The following ATXN7 variants were observed in gnomAD, a reference collection of about 807,000 sequenced individuals.
The protein encoded by ATXN7 is ataxin 7, also known as ataxin-7.
A neutral mutation model predicts 70.5 loss-of-function variants in ATXN7; 12 were observed. That is an observed-to-expected ratio of 0.17 (90% confidence interval 0.11 to 0.28). The LOEUF is 0.28. Ranked by LOEUF, ATXN7 falls within the 10% of genes least tolerant of loss-of-function variation. ATXN7 has a pLI of 1.00. For synonymous variants in ATXN7, 498 were observed against 448.7 expected, an observed-to-expected ratio of 1.11 and a Z score of -1.39; for missense variants, 1,256 against 1,131.7, an observed-to-expected ratio of 1.11 and a Z score of -1.58.
chr3:63,874,837 C>A (rs372962211), intron 1 of ATXN7, among the ~76,000 whole-genome samples: 1 of 152,284 alleles, frequency 6.6e-6, no homozygotes, highest in East Asian at 1.9e-4. Flanking sequence ...TAACAAGATA[C>A]CATAAACTGG....
intron 1 of ATXN7, among the ~76,000 whole-genome samples, chr3:63,876,801 C>T (rs929456048): frequency 6.6e-6 from 1 of 152,092 alleles, no homozygotes; most frequent in Non-Finnish European, 1.5e-5. Flanking sequence ...TATTTGCTAG[C>T]ATTTGTAGTG....
At position 63,980,088 on chromosome 3, in the gene ATXN7, C is replaced by A. The variant is rs1450575707; in HGVS notation, c.673C>A (p.Pro225Thr). The A allele has an allele frequency of 6.2e-7, 1 of 1,614,156 alleles. No homozygotes were observed. Among genetic ancestry groups the A allele is most frequent in the African/African-American group, 1.3e-5 (1 of 75,034 alleles). The change falls in exon 6 of 13, where the codon CCC becomes ACC. Residue 225 changes from proline (P) to threonine (T), a missense_variant. Transcript: ENST00000674280. The part of the protein sequence containing the change: ...SSSSSKLLKS[P>T]KEKLQLRGNT... ...ATCAAGTTCCAAGTTGTTGAAATCA[C>A]CCAAAGAGAAACTGCAGCTCAGGGG...
intron 4 of ATXN7, among the ~76,000 whole-genome samples, chr3:63,944,155 T>A (rs2074817215): frequency 6.6e-6 from 1 of 152,192 alleles, no homozygotes; most frequent in African/African-American, 2.4e-5. Context: ...TGTATATAGT[T>A]GTTCCCCCGT....
upstream of ATXN7, chr3:63,863,797 C>CGCG (rs546741642): frequency 5.6e-3 from 6,974 of 1,245,232 alleles, 24 homozygotes; most frequent in African/African-American, 7.7e-3. Flanking sequence ...CCATGGCGTG[C>CGCG]GCGGCGGCGG....
At chr3:63,998,716 C>A in intron 12 of ATXN7, 1 of 975,440 alleles carries the variant, frequency 1.0e-6, no homozygotes, top group Non-Finnish European at 1.2e-6. Context: ...ATTTTTATGT[C>A]TTTGTTCATT....
chr3:63,934,206 G>A (rs935655072), intron 4 of ATXN7, among the ~76,000 whole-genome samples: 8 of 152,168 alleles, frequency 5.3e-5, no homozygotes, highest in Non-Finnish European at 1.0e-4. Context: ...CTTCTTGCCT[G>A]CTGGCAGCCT....
At position 63,863,881 on chromosome 3, in the gene ATXN7, T is replaced by G; in HGVS notation, c.-388T>G. 3 of 1,166,680 alleles carry G rather than the reference T, an allele frequency of 2.6e-6. No homozygotes were observed. The highest frequency in any genetic ancestry group is 3.1e-6 in the Non-Finnish European group (3 of 955,198). 72.3% of individuals were successfully genotyped at this position (1,166,680 alleles called of 1,614,324 possible). A position where few individuals can be genotyped will look rare whatever the true frequency, so the allele number is the denominator to read the frequency against. On this transcript the variant is annotated 5_prime_UTR_variant, in exon 1 of 13. Coordinates refer to ENST00000674280, the MANE Select transcript of ATXN7 (RefSeq NM_001377405.1). ...GTCAAACTCCCACAATGCAGCCGGGTAAACAGCCATGGAGGAGGAGGCGGC... is the reference window on the plus strand; with the variant it reads ...GTCAAACTCCCACAATGCAGCCGGGGAAACAGCCATGGAGGAGGAGGCGGC...
intron 1 of ATXN7, among the ~76,000 whole-genome samples, chr3:63,897,905 CTTTTTAA>C (rs1218689862): frequency 6.6e-6 from 1 of 152,140 alleles, no homozygotes; most frequent in Non-Finnish European, 1.5e-5. Flanking sequence ...TTTCCTTGTG[CTTTTTAA>C]TAAGATGGTT....
chr3:63,882,972 A>G, intron 1 of ATXN7, among the ~76,000 whole-genome samples: 1 of 152,152 alleles, frequency 6.6e-6, no homozygotes. Flanking sequence ...AGGTTTGATT[A>G]TACAGTATCT....
intron 4 of ATXN7, among the ~76,000 whole-genome samples, chr3:63,921,348 G>A (rs1052588905): frequency 1.3e-5 from 2 of 152,026 alleles, no homozygotes; most frequent in Admixed American, 6.5e-5. Context: ...TTTAACCAGT[G>A]GTCCCCAGGC....
intron 4 of ATXN7, among the ~76,000 whole-genome samples, chr3:63,922,402 G>T (rs1262853010): frequency 1.3e-5 from 2 of 152,166 alleles, no homozygotes; most frequent in Non-Finnish European, 2.9e-5. Flanking sequence ...ACATTTCTTA[G>T]TTCCTCCTTT....
chr3:63,965,953 T>C (rs2075214931), intron 5 of ATXN7, among the ~76,000 whole-genome samples: 1 of 152,208 alleles, frequency 6.6e-6, no homozygotes, highest in Admixed American at 6.5e-5. Context: ...CGTTTTTCTC[T>C]TGTTTATTTG....
intron 1 of ATXN7, among the ~76,000 whole-genome samples, chr3:63,896,886 A>G (rs1307870724): frequency 6.6e-6 from 1 of 152,214 alleles, no homozygotes; most frequent in East Asian, 1.9e-4. Context: ...TTCCTTGGAT[A>G]CTTTGGAGAA....
intron 2 of ATXN7, among the ~76,000 whole-genome samples, chr3:63,908,444 ACCAAAG>A (rs1288400700): frequency 6.6e-6 from 1 of 152,232 alleles, no homozygotes; most frequent in Non-Finnish European, 1.5e-5. Context: ...ATAAAAAGAA[ACCAAAG>A]CCAACACATT....
At chr3:63,934,016 G>A (rs1243012428) in intron 4 of ATXN7, among the ~76,000 whole-genome samples, 1 of 151,714 alleles carries the variant, frequency 6.6e-6, no homozygotes, top group Non-Finnish European at 1.5e-5. Context: ...GTAGTTGGTT[G>A]AATCACAAAT....
At chr3:63,973,573 G>A (rs757773517) in intron 5 of ATXN7, among the ~76,000 whole-genome samples, 4 of 152,124 alleles carry the variant, frequency 2.6e-5, no homozygotes, top group Non-Finnish European at 4.4e-5. Flanking sequence ...CCAGTGATAC[G>A]CCCTGCTTGG....
At chr3:63,970,900 T>C (rs2075301413) in intron 5 of ATXN7, among the ~76,000 whole-genome samples, 1 of 152,232 alleles carries the variant, frequency 6.6e-6, no homozygotes, top group Non-Finnish European at 1.5e-5. Context: ...CCTTTATTTA[T>C]GTCATAAAGC....
Position 63,995,507 on chromosome 3 carries a change from A to G in ATXN7, c.1685A>G (p.Lys562Arg). The change falls in exon 12 of 13, where the codon AAA becomes AGA. Residue 562 changes from lysine to arginine, a missense_variant and splice_region_variant. Physicochemically the swap from Lys to Arg is conservative, Grantham distance 26. Transcript: ENST00000674280. Reference sequence around the variant, plus strand: ...CACTGTCCTCTAATTTTTTTCAGGAAAATCCCACCAGTGCCCAGTACCACC... The same window carrying G: ...CACTGTCCTCTAATTTTTTTCAGGAGAATCCCACCAGTGCCCAGTACCACC... ...EKHLNAQLWK[K>R]IPPVPSTTSP... 6.2e-7 allele frequency: 1 copy of G among 1,613,548 alleles called. No individual in the cohort carries two copies. The highest frequency in any genetic ancestry group is 2.2e-5 in the East Asian group (1 of 44,862).
intron 5 of ATXN7, among the ~76,000 whole-genome samples, chr3:63,973,936 G>A (rs2075354017): frequency 6.6e-6 from 1 of 152,120 alleles, no homozygotes; most frequent in Non-Finnish European, 1.5e-5. Context: ...GAAAGGGTAA[G>A]TATATATAAA....
Sources: gnomAD v4.1 joint callset for allele counts (sites outside exome capture counted in the v4.1 genomes callset) on GRCh38, gnomAD v4.1.1 for gene constraint, MANE v1.5 for transcripts, NCBI Gene and HGNC (gene_info 2026-07-23, HGNC 2026-07-21) for gene names.